ERC1: variants seen among roughly 807,000 people sequenced by gnomAD.
The protein encoded by ERC1 is ELKS/RAB6-interacting/CAST family member 1, also known as RAB6 interacting protein 2.
A neutral mutation model predicts 132.0 loss-of-function variants in ERC1; 56 were observed. The observed-to-expected ratio is 0.42, with a 90% confidence interval of 0.34 to 0.53. The LOEUF is 0.53. Ranked by LOEUF, ERC1 falls within the 20% of genes least tolerant of loss-of-function variation. ERC1 has a pLI of 0.03. For missense variants in ERC1, 1,202 were observed against 1,349.9 expected, an observed-to-expected ratio of 0.89 and a Z score of 1.72; for synonymous variants, 478 against 476.1, an observed-to-expected ratio of 1.00 and a Z score of -0.05.
intron 15 of ERC1, among the ~76,000 whole-genome samples, chr12:1,369,138 GAC>G (rs2086939875): frequency 6.6e-6 from 1 of 152,134 alleles, no homozygotes; most frequent in Non-Finnish European, 1.5e-5. Flanking sequence ...TTGTTAAAAA[GAC>G]ACTATTCCAA....
At position 1,263,016 on chromosome 12, in the gene ERC1, T is replaced by G. The variant is rs938540228; in HGVS notation, c.2488-18T>G. On this transcript the variant is annotated intron_variant, in intron 13 of 18. Coordinates refer to ENST00000360905, the MANE Select transcript of ERC1 (RefSeq NM_178040.4). Reference sequence around the variant, plus strand: ...TAAGTAATTAATCCACTTCACCTAGTCTTCCATCATTTTCTAGGACAGTCT... The same window carrying G: ...TAAGTAATTAATCCACTTCACCTAGGCTTCCATCATTTTCTAGGACAGTCT... 28 of 1,612,990 alleles carry G rather than the reference T, an allele frequency of 1.7e-5. No individual in the cohort carries two copies. Among genetic ancestry groups the G allele is most frequent in the Non-Finnish European group, 2.4e-5 (28 of 1,179,514 alleles).
At chr12:1,095,259 G>A (rs764830624) in intron 3 of ERC1, among the ~76,000 whole-genome samples, 11 of 151,862 alleles carry the variant, frequency 7.2e-5, no homozygotes, top group Non-Finnish European at 1.2e-4. Flanking sequence ...CTGAAATGCC[G>A]TCTCTACTAA....
At chr12:1,079,165 C>T (rs1208207327) in intron 2 of ERC1, among the ~76,000 whole-genome samples, 1 of 142,604 alleles carries the variant, frequency 7.0e-6, no homozygotes, top group Non-Finnish European at 1.6e-5. Context: ...TACAGAGATA[C>T]AGATAGAAAT....
Position 1,414,489 on chromosome 12 carries a change from A to G in ERC1, c.3024+6242A>G, listed in dbSNP as rs570244729. Among the ~76,000 whole-genome samples the G allele has an allele frequency of 3.3e-5, 5 of 152,334 alleles. No homozygotes were observed. In the South Asian group the frequency reaches 6.2e-4, roughly 19 times the overall value. ...CATCATTTTGCAGATTAGGGTTTCA[A>G]CATATGAATTTTGAGGGGACACAAA... On this transcript the variant is annotated intron_variant, in intron 17 of 18. Coordinates refer to ENST00000360905, the MANE Select transcript of ERC1 (RefSeq NM_178040.4).
At chr12:1,225,492 ACG>A (rs1055226029) in intron 12 of ERC1, among the ~76,000 whole-genome samples, 5 of 150,652 alleles carry the variant, frequency 3.3e-5, no homozygotes, top group Non-Finnish European at 4.4e-5. Context: ...ACACACACAC[ACG>A]GAGTGGTTGA....
chr12:1,337,899 G>T (rs2083447127), intron 15 of ERC1, among the ~76,000 whole-genome samples: 1 of 152,160 alleles, frequency 6.6e-6, no homozygotes, highest in Non-Finnish European at 1.5e-5. Context: ...TCTGCTGAGA[G>T]GTCCGCTGTT....
chr12:1,284,373 T>C (rs1294647572), intron 14 of ERC1, among the ~76,000 whole-genome samples: 2 of 152,022 alleles, frequency 1.3e-5, no homozygotes, highest in African/African-American at 4.8e-5. Flanking sequence ...GTATTTTGGC[T>C]ATTGTGAACA....
intron 13 of ERC1, among the ~76,000 whole-genome samples, chr12:1,252,303 C>G (rs577894852): frequency 1.3e-5 from 2 of 152,228 alleles, no homozygotes; most frequent in East Asian, 3.9e-4. Context: ...AAAGGTCAGC[C>G]TCTTATGGGC....
chr12:1,321,184 G>A (rs1594979953), intron 15 of ERC1, among the ~76,000 whole-genome samples: 2 of 152,116 alleles, frequency 1.3e-5, no homozygotes. Context: ...GTCACAACAG[G>A]ACATAAACAT....
chr12:1,099,835 A>AT (rs779732035), intron 3 of ERC1, among the ~76,000 whole-genome samples: 545 of 54,386 alleles, frequency 0.01, 43 homozygotes, highest in African/African-American at 0.011. Context: ...TGAGACTTTG[A>AT]TTTTTTTTTT....
At position 1,083,682 on chromosome 12, in the gene ERC1, G is replaced by A. The variant is rs1942555460; in HGVS notation, c.1086+102G>A. ...GTGAATCTACGTGCTCTGCCGTGCT[G>A]GTGGAAGAGAATTTCATCCTTTGTA... On this transcript the variant is annotated intron_variant, in intron 3 of 18. Coordinates refer to ENST00000360905, the MANE Select transcript of ERC1 (RefSeq NM_178040.4). The A allele has an allele frequency of 2.1e-5, 19 of 904,800 alleles. No homozygotes were observed. In the South Asian group the frequency reaches 3.0e-4, roughly 14 times the overall value. The allele number at this position is 904,800 out of a possible 1,614,324, so 56.0% of individuals were successfully genotyped here.
intron 1 of ERC1, among the ~76,000 whole-genome samples, chr12:998,853 C>CTTTTTTTTTT (rs527367596): frequency 9.8e-6 from 1 of 102,466 alleles, no homozygotes; most frequent in Non-Finnish European, 1.9e-5. Context: ...TTCTCTGTCA[C>CTTTTTTTTTT]TTTTTTTTTT....
chr12:1,006,558 A>AT (rs941432378), intron 1 of ERC1, among the ~76,000 whole-genome samples: 2 of 151,350 alleles, frequency 1.3e-5, no homozygotes, highest in African/African-American at 2.4e-5. Flanking sequence ...CATTTTTGTA[A>AT]TTTTTTTTGT....
chr12:1,145,634 T>C (rs558081343), intron 8 of ERC1, among the ~76,000 whole-genome samples: 1 of 152,350 alleles, frequency 6.6e-6, no homozygotes, highest in South Asian at 2.1e-4. Flanking sequence ...TTCTTGTTCA[T>C]GAAGTCTTTG....
At chr12:1,340,139 G>C (rs1595098228) in intron 15 of ERC1, among the ~76,000 whole-genome samples, 1 of 152,118 alleles carries the variant, frequency 6.6e-6, no homozygotes, top group Non-Finnish European at 1.5e-5. Flanking sequence ...CAGCACAGGA[G>C]CTATAATGAC....
At chr12:1,111,496 A>T (rs1945853471) in intron 5 of ERC1, among the ~76,000 whole-genome samples, 1 of 152,134 alleles carries the variant, frequency 6.6e-6, no homozygotes, top group African/African-American at 2.4e-5. Flanking sequence ...CATGGTGCCC[A>T]TACCTGGCAT....
chr12:1,444,747 G>T lies in ERC1; in HGVS notation c.3210G>T (p.Gly1070=). ...ATGAGCTGCAGAAGATGACCCGGGG[G>T]CAGGTGAGCCTCTCACTCAAACTTT... ...WENELQKMTR[G]QLQDELEKGE... Residue 1070 remains glycine, a synonymous_variant, in exon 18 of 19, where the codon GGG becomes GGT. Transcript: ENST00000360905. 1 of 1,613,314 alleles carries T rather than the reference G, an allele frequency of 6.2e-7. No individual in the cohort carries two copies. The highest frequency in any genetic ancestry group is 8.5e-7 in the Non-Finnish European group (1 of 1,179,750).
intron 18 of ERC1, 112 bp from the exon 19 acceptor site, chr12:1,489,981 C>A: frequency 1.7e-6 from 2 of 1,176,466 alleles, no homozygotes; most frequent in Non-Finnish European, 2.4e-6. Flanking sequence ...AATTTTGATG[C>A]AGAGAGACTT....
At chr12:1,193,586 A>G (rs1456082436) in intron 12 of ERC1, among the ~76,000 whole-genome samples, 1 of 152,146 alleles carries the variant, frequency 6.6e-6, no homozygotes, top group African/African-American at 2.4e-5. Flanking sequence ...ATTACAGAGA[A>G]TAGTCTTGTA....
Sources: allele counts gnomAD v4.1 joint callset (sites outside exome capture counted in the v4.1 genomes callset), GRCh38; gene constraint gnomAD v4.1.1; transcripts MANE v1.5; gene names NCBI Gene and HGNC (gene_info 2026-07-23, HGNC 2026-07-21).